Variants in PELI2 observed in about 807,000 individuals in gnomAD.
The protein encoded by PELI2 is pellino E3 ubiquitin protein ligase family member 2.
PELI2 carries 23 observed loss-of-function variants against 42.3 expected under a neutral mutation model. That is an observed-to-expected ratio of 0.54 (90% CI 0.39 to 0.77). PELI2 has a LOEUF of 0.77. Ranked by LOEUF, PELI2 falls within the 30% of genes least tolerant of loss-of-function variation. The pLI, the probability that PELI2 is intolerant of heterozygous loss-of-function variation, is 0.00. For missense variants in PELI2, 463 were observed against 553.2 expected, an observed-to-expected ratio of 0.84 and a Z score of 1.64; for synonymous variants, 245 against 212.2, an observed-to-expected ratio of 1.15 and a Z score of -1.34.
rs201917648 is a variant in PELI2 at position 56,218,281 on chromosome 14, AT to A, written c.207+39825del. Among the ~76,000 whole-genome samples the A allele has an allele frequency of 5.4e-3, 818 of 152,196 alleles. 1 individual carries two copies. Among genetic ancestry groups the A allele is most frequent in the South Asian group, 0.011 (52 of 4,818 alleles). ...AGCTAGCAGCTTTTGCACCTAGAGA[AT>A]TTTTTTTGTCTGTTCTGATGTTCAA... is the stretch of plus-strand genomic sequence containing the variant. On this transcript the variant is annotated intron_variant, in intron 2 of 5. Coordinates refer to ENST00000267460, the MANE Select transcript of PELI2 (RefSeq NM_021255.3).
rs915399367 is a variant in PELI2, at chr14:56,152,595, A to G, written c.78-25740A>G. On this transcript the variant is annotated intron_variant, in intron 1 of 5. Coordinates refer to ENST00000267460, the MANE Select transcript of PELI2 (RefSeq NM_021255.3). ...TTTAAGCTCTAAGTCTGTCCTGCACAGGTCTTGTTTAGACCTCCCTTGGGT... is the reference window on the plus strand; with the variant it reads ...TTTAAGCTCTAAGTCTGTCCTGCACGGGTCTTGTTTAGACCTCCCTTGGGT... Among the ~76,000 whole-genome samples the G allele has an allele frequency of 3.9e-5, 6 of 152,284 alleles. No individual in the cohort carries two copies. In the East Asian group the frequency reaches 5.8e-4, roughly 15 times the overall value.
rs1046369402 is a variant in PELI2, at chr14:56,300,968, A to G, written c.*3802A>G. 6.6e-6 allele frequency: 1 copy of G among 152,262 alleles called. No homozygotes were observed. Among genetic ancestry groups the G allele is most frequent in the Non-Finnish European group, 1.5e-5 (1 of 68,046 alleles). 9.4% of individuals were successfully genotyped at this position (152,262 alleles called of 1,614,324 possible). A position where few individuals can be genotyped will look rare whatever the true frequency, so the allele number is the denominator to read the frequency against. On this transcript the variant is annotated 3_prime_UTR_variant, in exon 6 of 6. Transcript: ENST00000267460. ...CAAATAAGTCTTTGCCCTCATGAAG[A>G]ATCCCTAGAGGAAGATAAGGAAAAT...
intron 1 of PELI2, among the ~76,000 whole-genome samples, chr14:56,173,289 G>C (rs1885246893): frequency 6.6e-6 from 1 of 152,162 alleles, no homozygotes; most frequent in African/African-American, 2.4e-5. Flanking sequence ...GTTCTTACCT[G>C]TGGCTGCATC....
intron 2 of PELI2, among the ~76,000 whole-genome samples, chr14:56,208,102 G>A (rs1807539201): frequency 6.6e-6 from 1 of 152,220 alleles, no homozygotes; most frequent in Admixed American, 6.5e-5. Context: ...TATAGCCAGA[G>A]CTTTAACAGC....
intron 1 of PELI2, among the ~76,000 whole-genome samples, chr14:56,128,489 T>TG (rs1424390658): frequency 2.6e-5 from 4 of 152,316 alleles, no homozygotes; most frequent in Admixed American, 2.6e-4. Context: ...GTGGCTCTCT[T>TG]GCTTGATTAT....
chr14:56,239,182 A>G (rs1189574429), intron 2 of PELI2, among the ~76,000 whole-genome samples: 1 of 152,228 alleles, frequency 6.6e-6, no homozygotes, highest in Non-Finnish European at 1.5e-5. Flanking sequence ...ACCACAAATG[A>G]TATTTATTGC....
intron 1 of PELI2, among the ~76,000 whole-genome samples, chr14:56,159,206 C>T (rs116206663): frequency 0.011 from 1,634 of 152,318 alleles, 16 homozygotes; most frequent in African/African-American, 0.026. Context: ...TTTGCTCTCT[C>T]GACTCCGTGG....
intron 2 of PELI2, among the ~76,000 whole-genome samples, chr14:56,245,902 T>C (rs1056232450): frequency 3.3e-5 from 5 of 152,222 alleles, no homozygotes; most frequent in Non-Finnish European, 7.3e-5. Context: ...ACATATATTA[T>C]ATGCAAATAC....
intron 1 of PELI2, among the ~76,000 whole-genome samples, chr14:56,121,000 G>A (rs889602249): frequency 3.3e-5 from 5 of 152,162 alleles, no homozygotes; most frequent in Non-Finnish European, 5.9e-5. Flanking sequence ...GATTTTTAGA[G>A]AGAACCTTAT....
chr14:56,297,052 G>T lies in PELI2; in HGVS notation c.1149G>T (p.Gln383His). ...AGAAGTCTGCAAAATACTGGTCTCA[G>T]ATCCCGTTGCCTCATGGAACTCATG... The part of the protein sequence containing the change: ...CSEKSAKYWS[Q>H]IPLPHGTHAF... Residue 383 changes from glutamine to histidine, a missense_variant, in exon 6 of 6, where the codon CAG becomes CAT. Physicochemically the swap from Gln to His is conservative, Grantham distance 24. Transcript: ENST00000267460. 6.2e-7 allele frequency: 1 copy of T among 1,613,608 alleles called. No homozygotes were observed. Among genetic ancestry groups the T allele is most frequent in the East Asian group, 2.2e-5 (1 of 44,886 alleles).
intron 2 of PELI2, among the ~76,000 whole-genome samples, chr14:56,204,614 T>A (rs150223728): frequency 6.3e-4 from 85 of 134,162 alleles, no homozygotes; most frequent in African/African-American, 2.3e-3. Flanking sequence ...GGAAGTGGGG[T>A]TTGGGTAAGA....
At position 56,240,479 on chromosome 14, in the gene PELI2, G is replaced by A. The variant is rs150262563; in HGVS notation, c.208-39197G>A. Reference sequence around the variant, plus strand: ...TAGTGATGTTAGCAAGAATAGTTTCGGTGCAGTTACGGGGGTGAATTGCCA... The same window carrying A: ...TAGTGATGTTAGCAAGAATAGTTTCAGTGCAGTTACGGGGGTGAATTGCCA... On this transcript the variant is annotated intron_variant, in intron 2 of 5. Transcript: ENST00000267460. 2.5e-4 allele frequency among the ~76,000 whole-genome samples: 38 copies of A among 152,236 alleles called. No individual in the cohort carries two copies. The East Asian group carries it at 7.3e-3, about 29-fold the overall frequency.
intron 5 of PELI2, among the ~76,000 whole-genome samples, chr14:56,295,542 AC>A (rs1391973775): frequency 1.3e-5 from 2 of 152,158 alleles, no homozygotes; most frequent in Non-Finnish European, 2.9e-5. Context: ...CCTTTTAGAA[AC>A]CATTTCTGAC....
chr14:56,128,600 G>GT (rs1883366132), intron 1 of PELI2, among the ~76,000 whole-genome samples: 1 of 152,228 alleles, frequency 6.6e-6, no homozygotes, highest in East Asian at 1.9e-4. Flanking sequence ...GGTGACCTGG[G>GT]TTTTTTATAG....
intron 2 of PELI2, among the ~76,000 whole-genome samples, chr14:56,232,089 G>C (rs1300135797): frequency 1.3e-5 from 2 of 152,058 alleles, no homozygotes; most frequent in East Asian, 3.9e-4. Context: ...TAGACAAATA[G>C]CAGGCTCTGA....
intron 2 of PELI2, among the ~76,000 whole-genome samples, chr14:56,207,666 G>C (rs929065804): frequency 6.6e-5 from 10 of 152,180 alleles, no homozygotes; most frequent in African/African-American, 2.4e-4. Flanking sequence ...TAGGAAAAGA[G>C]GGCTGGTAAG....
chr14:56,267,827 A>G (rs980301637), intron 2 of PELI2, among the ~76,000 whole-genome samples: 1 of 152,166 alleles, frequency 6.6e-6, no homozygotes. Context: ...TTCTATCACT[A>G]TAACTAATCA....
chr14:56,250,402 T>C (rs1240458985), intron 2 of PELI2, among the ~76,000 whole-genome samples: 2 of 152,086 alleles, frequency 1.3e-5, no homozygotes, highest in African/African-American at 4.8e-5. Flanking sequence ...GGGAATTGAC[T>C]CACATCATCA....
At chr14:56,247,784 G>T (rs1258755125) in intron 2 of PELI2, among the ~76,000 whole-genome samples, 4 of 152,158 alleles carry the variant, frequency 2.6e-5, no homozygotes, top group Admixed American at 6.5e-5. Context: ...TTTCTCCATT[G>T]TATGTATAGA....
Sources: allele counts gnomAD v4.1 joint callset (sites outside exome capture counted in the v4.1 genomes callset), GRCh38; gene constraint gnomAD v4.1.1; transcripts MANE v1.5; gene names NCBI Gene and HGNC (gene_info 2026-07-23, HGNC 2026-07-21).